Variants in FUT8 observed in about 807,000 individuals in gnomAD.
The protein encoded by FUT8 is alpha-(1,6)-fucosyltransferase.
FUT8 carries 29 observed loss-of-function variants against 71.3 expected under a neutral mutation model. The observed-to-expected ratio is 0.41, with a 90% confidence interval of 0.30 to 0.55. FUT8 has a LOEUF of 0.55. Among genes scored for constraint, FUT8 ranks in the 20% least tolerant of loss-of-function variants. The pLI is 0.34. For synonymous variants in FUT8, 254 were observed against 239.3 expected, an observed-to-expected ratio of 1.06 and a Z score of -0.57; for missense variants, 544 against 702.1, an observed-to-expected ratio of 0.77 and a Z score of 2.55.
the FUT8 span, among the ~76,000 whole-genome samples, chr14:65,379,872 G>A: frequency 1.3e-5 from 2 of 152,248 alleles, no homozygotes; most frequent in South Asian, 4.2e-4. Flanking sequence ...CAGGAGGGGC[G>A]AACACTGGGT....
chr14:65,662,313 G>A (rs1892005530), intron 6 of FUT8, among the ~76,000 whole-genome samples: 1 of 152,160 alleles, frequency 6.6e-6, no homozygotes, highest in African/African-American at 2.4e-5. Context: ...TTGAGCCCAG[G>A]AGGTTGAGGT....
In FUT8 at chr14:65,455,614, G is replaced by A. The variant is rs2065885190; in HGVS notation, c.-325-7G>A. 1 of 398,064 alleles carries A rather than the reference G, an allele frequency of 2.5e-6. No individual in the cohort carries two copies. Among genetic ancestry groups the A allele is most frequent in the Non-Finnish European group, 4.4e-6 (1 of 225,876 alleles). The allele number at this position is 398,064 out of a possible 1,614,324, so 24.7% of individuals were successfully genotyped here. A position where few individuals can be genotyped will look rare whatever the true frequency, so the allele number is the denominator to read the frequency against. Reference sequence around the variant, plus strand: ...GCTGAATTTCATATATTTTTATTTTGTTTCAGGTTGCTGCTTTTGCTCAGA... The same window carrying A: ...GCTGAATTTCATATATTTTTATTTTATTTCAGGTTGCTGCTTTTGCTCAGA... On this transcript the variant is annotated splice_polypyrimidine_tract_variant and splice_region_variant and intron_variant, in intron 1 of 10. Coordinates refer to ENST00000673929, the MANE Select transcript of FUT8 (RefSeq NM_001371533.1).
chr14:65,390,999 T>C, the FUT8 span, among the ~76,000 whole-genome samples: 1 of 152,176 alleles, frequency 6.6e-6, no homozygotes, highest in Non-Finnish European at 1.5e-5. Context: ...GTGCTGGGGT[T>C]ACAGGCATGA....
chr14:65,599,588 T>G (rs537657172), intron 3 of FUT8, among the ~76,000 whole-genome samples: 2 of 152,362 alleles, frequency 1.3e-5, no homozygotes, highest in East Asian at 3.9e-4. Context: ...AAGCCCATAC[T>G]TAGATTCCAG....
At chr14:65,552,521 ACATGAATGACTG>A (rs1321923757) in intron 2 of FUT8, among the ~76,000 whole-genome samples, 2 of 152,306 alleles carry the variant, frequency 1.3e-5, no homozygotes, top group African/African-American at 4.8e-5. Context: ...AATTTACATA[ACATGAATGACTG>A]CACTAAATGA....
At chr14:65,629,942 G>C (rs1266756679) in intron 6 of FUT8, among the ~76,000 whole-genome samples, 1 of 152,126 alleles carries the variant, frequency 6.6e-6, no homozygotes, top group Non-Finnish European at 1.5e-5. Flanking sequence ...GGAGACATCA[G>C]GGATAGTCTT....
At chr14:65,436,705 G>T (rs1251106419) in intron 1 of FUT8, among the ~76,000 whole-genome samples, 1 of 152,040 alleles carries the variant, frequency 6.6e-6, no homozygotes, top group Non-Finnish European at 1.5e-5. Context: ...AAGCATTGGG[G>T]TTGCACACTC....
chr14:65,672,371 C>T (rs951823452), intron 7 of FUT8, among the ~76,000 whole-genome samples: 3 of 152,160 alleles, frequency 2.0e-5, no homozygotes, highest in Admixed American at 6.5e-5. Context: ...CCTGATTCTT[C>T]CACATAGATT....
rs754659275 is a variant in FUT8 at position 65,737,857 on chromosome 14, G to A, written c.1411-4236G>A. 5.3e-5 allele frequency among the ~76,000 whole-genome samples: 8 copies of A among 152,052 alleles called. No individual in the cohort carries two copies. In the South Asian group the frequency reaches 6.2e-4, roughly 12 times the overall value. On this transcript the variant is annotated intron_variant, in intron 10 of 10. Transcript: ENST00000673929. ...TCTTGGTCTAATTCCAAATCCGCAC[G>A]CAATTCTACTCCCCTTATTACACTT...
intron 3 of FUT8, among the ~76,000 whole-genome samples, chr14:65,611,276 CACACACACACACACACACACA>C (rs1888964845): frequency 1.9e-5 from 1 of 51,742 alleles, no homozygotes. Flanking sequence ...CACACACACA[CACACACACACACACACACACA>C]CACACCCCCC....
intron 7 of FUT8, among the ~76,000 whole-genome samples, chr14:65,677,143 TGTGTGTGTGC>T (rs999079093): frequency 3.6e-5 from 4 of 111,288 alleles, no homozygotes; most frequent in South Asian, 5.5e-4. Context: ...TGTGTGTGTG[TGTGTGTGTGC>T]GCGCGCGCAT....
chr14:65,476,933 T>G (rs2066255320), intron 2 of FUT8, among the ~76,000 whole-genome samples: 1 of 152,188 alleles, frequency 6.6e-6, no homozygotes, highest in African/African-American at 2.4e-5. Flanking sequence ...AAGCTACCAT[T>G]AGGAAATTTT....
chr14:65,417,861 C>T (rs1027234478), intron 1 of FUT8, among the ~76,000 whole-genome samples: 1 of 152,138 alleles, frequency 6.6e-6, no homozygotes, highest in Non-Finnish European at 1.5e-5. Flanking sequence ...AAGATCACTA[C>T]GAAATGCTCA....
chr14:65,672,915 A>G lies in FUT8; in HGVS notation c.835+3435A>G, dbSNP rs76562361. The stretch of plus-strand genomic sequence containing the variant: ...CACTTAAATTCAGTTCCCCACTTCA[A>G]TCTTTTTCCTTGTAAAAATTAAAAA... On this transcript the variant is annotated intron_variant, in intron 7 of 10. Coordinates refer to ENST00000673929, the MANE Select transcript of FUT8 (RefSeq NM_001371533.1). Among the ~76,000 whole-genome samples the G allele has an allele frequency of 5.8e-3, 885 of 152,302 alleles. 31 individuals are homozygous for G. In the East Asian group the frequency reaches 0.094, roughly 16 times the overall value.
the FUT8 span, among the ~76,000 whole-genome samples, chr14:65,393,095 C>G: frequency 6.6e-6 from 1 of 152,136 alleles, no homozygotes; most frequent in South Asian, 2.1e-4. Flanking sequence ...TACTGACACC[C>G]TCCACACAAG....
intron 6 of FUT8, chr14:65,646,463 G>T (rs571511355): frequency 6.6e-6 from 1 of 152,320 alleles, no homozygotes; most frequent in South Asian, 2.1e-4. Flanking sequence ...TAGAACAGCA[G>T]CTTTCCATTA....
At chr14:65,409,363 G>A (rs1278747559), upstream of FUT8, among the ~76,000 whole-genome samples, 3 of 152,198 alleles carry the variant, frequency 2.0e-5, no homozygotes, top group Non-Finnish European at 4.4e-5. The surrounding 1 kb of genome is among the most constrained non-coding windows in gnomAD (Gnocchi z 5.4). Context: ...TAAGCCTTCT[G>A]AGTGCCTCAA....
intron 2 of FUT8, among the ~76,000 whole-genome samples, chr14:65,542,761 T>C (rs1245465532): frequency 6.6e-6 from 1 of 152,172 alleles, no homozygotes; most frequent in Admixed American, 6.5e-5. Context: ...TTATTCATTA[T>C]TTGTGTTGTA....
At chr14:65,578,027 A>G (rs1886885380) in intron 3 of FUT8, among the ~76,000 whole-genome samples, 1 of 152,148 alleles carries the variant, frequency 6.6e-6, no homozygotes, top group Admixed American at 6.5e-5. Flanking sequence ...AAGGTGTCAC[A>G]TGAAAAAACA....
Sources: gnomAD v4.1 joint callset for allele counts (sites outside exome capture counted in the v4.1 genomes callset) on GRCh38, gnomAD v4.1.1 for gene constraint, Gnocchi (gnomAD v3.1) non-coding constraint, MANE v1.5 for transcripts, NCBI Gene and HGNC (gene_info 2026-07-23, HGNC 2026-07-21) for gene names.